Variants in PTPRO observed in about 807,000 individuals in gnomAD.
PTPRO encodes protein tyrosine phosphatase receptor type O.
PTPRO carries 62 observed loss-of-function variants against 145.2 expected under a neutral mutation model. The ratio of observed to expected loss-of-function variants is 0.43; its 90% CI spans 0.35 to 0.53. The LOEUF (loss-of-function observed/expected upper bound fraction) is 0.53, where lower values mean the gene tolerates loss of function less well. Among genes scored for constraint, PTPRO ranks in the 20% least tolerant of loss-of-function variants. PTPRO has a pLI of 0.01. For synonymous variants in PTPRO, 565 were observed against 514.7 expected (o/e 1.10, Z -1.32); for missense variants, 1,345 against 1,482.7 (o/e 0.91, Z 1.53).
intron 6 of PTPRO, among the ~76,000 whole-genome samples, chr12:15,508,077 G>A (rs1207653564): frequency 6.6e-6 from 1 of 152,298 alleles, no homozygotes; most frequent in Middle Eastern, 3.4e-3. Flanking sequence ...CCAGCCTGTT[G>A]TGTGTTTCTT....
intron 1 of PTPRO, among the ~76,000 whole-genome samples, chr12:15,383,133 A>T (rs372583524): frequency 6.6e-6 from 1 of 152,086 alleles, no homozygotes; most frequent in Non-Finnish European, 1.5e-5. Flanking sequence ...CTCCAACCAT[A>T]TCCCACAGCA....
intron 1 of PTPRO, among the ~76,000 whole-genome samples, chr12:15,483,572 G>T (rs150057358): frequency 9.9e-5 from 15 of 152,232 alleles, no homozygotes; most frequent in African/African-American, 3.6e-4. Flanking sequence ...AAAGTAAAAA[G>T]AGTACTTCTT....
intron 14 of PTPRO, among the ~76,000 whole-genome samples, chr12:15,550,569 C>T (rs1213958876): frequency 2.0e-5 from 3 of 152,120 alleles, no homozygotes; most frequent in African/African-American, 4.8e-5. Context: ...GAAAATGAGG[C>T]CCATAGGGCA....
Position 15,484,050 on chromosome 12 carries a change from G to A in PTPRO, c.152G>A (p.Ser51Asn). ...VVSLEASDVI[S>N]PASVYVVKIT... ...TCATTAGAAGCTTCAGACGTCATCAGTCCAGCATCTGTGTATGTTGTGAAG... is the reference window on the plus strand; with the variant it reads ...TCATTAGAAGCTTCAGACGTCATCAATCCAGCATCTGTGTATGTTGTGAAG... Residue 51 changes from serine (S) to asparagine (N), a missense_variant, in exon 2 of 27, where the codon AGT becomes AAT. Around this residue, in one of 3 missense-constraint regions of PTPRO, gnomAD observed 1,130 missense variants for 1,214.7 expected, o/e 0.93. Transcript: ENST00000281171. 2.5e-6 allele frequency: 4 copies of A among 1,613,750 alleles called. No homozygotes were observed. In the South Asian group the frequency reaches 3.3e-5, roughly 13 times the overall value.
chr12:15,360,918 ATGTATATACACACACATATATACACACG>A (rs1938180327), intron 1 of PTPRO, among the ~76,000 whole-genome samples: 10 of 106,214 alleles, frequency 9.4e-5, no homozygotes, highest in East Asian at 7.4e-4. Flanking sequence ...ATATACACAC[ATGTATATACACACACATATATACACACG>A]TGTATATACA....
intron 12 of PTPRO, among the ~76,000 whole-genome samples, chr12:15,526,929 C>T (rs1258890771): frequency 1.3e-5 from 2 of 151,914 alleles, no homozygotes; most frequent in East Asian, 3.9e-4. Context: ...AATAACTAAA[C>T]AAGCATAGAT....
At chr12:15,428,553 T>C (rs903843076) in intron 1 of PTPRO, among the ~76,000 whole-genome samples, 2 of 152,190 alleles carry the variant, frequency 1.3e-5, no homozygotes, top group African/African-American at 4.8e-5. Flanking sequence ...TTTCTGTAAG[T>C]TAAAATTATT....
At chr12:15,331,848 A>T (rs1002551552) in intron 1 of PTPRO, among the ~76,000 whole-genome samples, 16 of 152,124 alleles carry the variant, frequency 1.1e-4, no homozygotes, top group African/African-American at 3.9e-4. Context: ...GTGTGCCAGA[A>T]TTTCTTAGAA....
intron 1 of PTPRO, among the ~76,000 whole-genome samples, chr12:15,410,097 C>G (rs144513257): frequency 6.6e-6 from 1 of 152,010 alleles, no homozygotes; most frequent in African/African-American, 2.4e-5. Flanking sequence ...AAAAGAGAGA[C>G]AGACAAACAG....
At position 15,557,435 on chromosome 12, in the gene PTPRO, T is replaced by G. The variant is rs1478914408; in HGVS notation, c.2559-20T>G. The G allele has an allele frequency of 1.9e-6, 3 of 1,609,194 alleles. No homozygotes were observed. The highest frequency in any genetic ancestry group is 1.1e-5 in the South Asian group (1 of 90,970). ...GCTTTGTCAAGCAGTAACCTTGATT[T>G]TGTGGTTCCTTTAAAACAGGGAGTG... On this transcript the variant is annotated intron_variant, in intron 15 of 26. Transcript: ENST00000281171.
intron 25 of PTPRO, among the ~76,000 whole-genome samples, chr12:15,594,452 T>C (rs1352556157): frequency 1.3e-5 from 2 of 151,906 alleles, no homozygotes; most frequent in Non-Finnish European, 1.5e-5. Flanking sequence ...AATACCGTAT[T>C]GTATACTTGA....
intron 1 of PTPRO, among the ~76,000 whole-genome samples, chr12:15,468,122 G>A: frequency 6.6e-6 from 1 of 152,036 alleles, no homozygotes; most frequent in African/African-American, 2.4e-5. Flanking sequence ...CAGTTTGGAT[G>A]TCTGGTTTTT....
chr12:15,562,231 T>A (rs1374193550), intron 17 of PTPRO, among the ~76,000 whole-genome samples: 4 of 152,122 alleles, frequency 2.6e-5, no homozygotes, highest in Non-Finnish European at 5.9e-5. Context: ...TCCCCGCTCG[T>A]GGAAATACAG....
At chr12:15,360,619 CTA>C (rs531133752) in intron 1 of PTPRO, among the ~76,000 whole-genome samples, 5 of 150,166 alleles carry the variant, frequency 3.3e-5, no homozygotes, top group African/African-American at 7.4e-5. Context: ...CTCTCTCTCT[CTA>C]TATATATATG....
intron 1 of PTPRO, among the ~76,000 whole-genome samples, chr12:15,461,035 C>T (rs1941289060): frequency 6.6e-6 from 1 of 152,148 alleles, no homozygotes. Flanking sequence ...AGCTGGAGGT[C>T]AGACATGCCT....
chr12:15,448,204 G>A (rs1940951166), intron 1 of PTPRO, among the ~76,000 whole-genome samples: 2 of 151,700 alleles, frequency 1.3e-5, no homozygotes, highest in Non-Finnish European at 2.9e-5. Flanking sequence ...CCACATTCCA[G>A]GTAACTTGCT....
At position 15,433,555 on chromosome 12, in the gene PTPRO, A is replaced by G. The variant is rs183344648; in HGVS notation, c.76-50419A>G. ...TTGTACACAGTGAAGGAAAGGGTCC[A>G]GTTTCAATCTTCTGCATATGGCTAG... On this transcript the variant is annotated intron_variant, in intron 1 of 26. Coordinates refer to ENST00000281171, the MANE Select transcript of PTPRO (RefSeq NM_030667.3). 2.9e-4 allele frequency among the ~76,000 whole-genome samples: 44 copies of G among 152,306 alleles called. No individual in the cohort carries two copies. The East Asian group carries it at 5.0e-3, about 17-fold the overall frequency.
chr12:15,560,013 T>A (rs1943730463), intron 16 of PTPRO, among the ~76,000 whole-genome samples, 180 bp from the exon 17 acceptor site: 1 of 152,176 alleles, frequency 6.6e-6, no homozygotes, highest in African/African-American at 2.4e-5. Context: ...TTTGTCAATA[T>A]TGTAGCATTT....
rs138888760 is a variant in PTPRO at position 15,391,892 on chromosome 12, G to A, written c.75+69091G>A. On this transcript the variant is annotated intron_variant, in intron 1 of 26. Transcript: ENST00000281171. The stretch of plus-strand genomic sequence containing the variant: ...TTCTACTTTTGCCCCTTGGTTCTGG[G>A]ACCAATGTATTTTAGCTACTCCAGA... Among the ~76,000 whole-genome samples, 20 of 152,206 alleles carry A rather than the reference G, an allele frequency of 1.3e-4. No homozygotes were observed. The East Asian group carries it at 3.9e-3, about 29-fold the overall frequency.
Sources: gnomAD v4.1 joint callset for allele counts (sites outside exome capture counted in the v4.1 genomes callset) on GRCh38, gnomAD v4.1.1 for gene constraint, gnomAD v4.1.1 regional missense constraint, MANE v1.5 for transcripts, NCBI Gene and HGNC (gene_info 2026-07-23, HGNC 2026-07-21) for gene names.